CLSTN2: variants seen among roughly 807,000 people sequenced by gnomAD.
The protein encoded by CLSTN2 is calsyntenin-2.
Under a neutral mutation model 101.2 loss-of-function variants are expected in CLSTN2, and 48 were observed. That is an observed-to-expected ratio of 0.47 (90% CI 0.38 to 0.60). CLSTN2 has a LOEUF of 0.60. Ranked by LOEUF, CLSTN2 falls within the 20% of genes least tolerant of loss-of-function variation. The probability of loss-of-function intolerance (pLI) is 0.00; values close to 1 mark genes in which losing one functional copy is unlikely to be tolerated. For synonymous variants in CLSTN2, 481 were observed against 463.6 expected, an observed-to-expected ratio of 1.04 and a Z score of -0.48; for missense variants, 1,160 against 1,238.2, an observed-to-expected ratio of 0.94 and a Z score of 0.95.
intron 1 of CLSTN2, among the ~76,000 whole-genome samples, chr3:140,045,987 A>AT (rs1315323644): frequency 3.3e-4 from 50 of 152,208 alleles, no homozygotes; most frequent in Non-Finnish European, 4.4e-5. Flanking sequence ...AGAAGAATGT[A>AT]TATTCTGTTG....
In CLSTN2 at chr3:140,175,998, A is replaced by C. The variant is rs373766978; in HGVS notation, c.157A>C (p.Thr53Pro). Residue 53 changes from threonine to proline, a missense_variant, in exon 2 of 17, where the codon ACT (threonine) becomes CCT (proline). Coordinates refer to ENST00000458420, the MANE Select transcript of CLSTN2 (RefSeq NM_022131.3). ...WIETSYHGVITENNDTVILDP... is the reference protein window; with the variant it reads ...WIETSYHGVIPENNDTVILDP... ...CGAGACTTCATATCATGGAGTCATA[A>C]CTGAGAACAATGACACAGTCATTTT... 7.5e-5 allele frequency: 121 copies of C among 1,613,700 alleles called. No homozygotes were observed. Among genetic ancestry groups the C allele is most frequent in the Non-Finnish European group, 1.0e-4 (119 of 1,179,780 alleles).
chr3:140,322,670 G>A (rs2087295144), intron 2 of CLSTN2, among the ~76,000 whole-genome samples: 1 of 152,204 alleles, frequency 6.6e-6, no homozygotes, highest in Admixed American at 6.5e-5. Context: ...GACAGTGTTT[G>A]AAAGAGAAGG....
intron 2 of CLSTN2, among the ~76,000 whole-genome samples, chr3:140,352,054 A>G (rs1484361401): frequency 6.6e-6 from 1 of 152,180 alleles, no homozygotes; most frequent in Non-Finnish European, 1.5e-5. Flanking sequence ...TCTAATCCCA[A>G]TGAGTAGGCT....
At chr3:140,397,375 C>T (rs1335332321) in intron 2 of CLSTN2, among the ~76,000 whole-genome samples, 1 of 152,072 alleles carries the variant, frequency 6.6e-6, no homozygotes, top group African/African-American at 2.4e-5. Context: ...TGATAGTACA[C>T]CAGAGCTCCA....
intron 2 of CLSTN2, among the ~76,000 whole-genome samples, chr3:140,330,279 C>T (rs4536786): frequency 0.047 from 7,201 of 152,262 alleles, 559 homozygotes; most frequent in African/African-American, 0.16. Context: ...GGTAAATCCA[C>T]ATTGTCAGCA....
chr3:140,195,365 C>T (rs2010629194), intron 2 of CLSTN2, among the ~76,000 whole-genome samples: 2 of 152,140 alleles, frequency 1.3e-5, no homozygotes, highest in Non-Finnish European at 2.9e-5. Flanking sequence ...ACCTAAAGAA[C>T]TCACCACTGT....
At chr3:140,157,468 G>T (rs2009974234) in intron 1 of CLSTN2, among the ~76,000 whole-genome samples, 1 of 152,100 alleles carries the variant, frequency 6.6e-6, no homozygotes, top group Admixed American at 6.6e-5. Context: ...TCAATCTTGG[G>T]AGGCTGTGTG....
chr3:140,311,187 A>G (rs1438617061), intron 2 of CLSTN2, among the ~76,000 whole-genome samples: 1 of 148,644 alleles, frequency 6.7e-6, no homozygotes, highest in East Asian at 2.2e-4. Flanking sequence ...ATTGCCCAGG[A>G]TTGGGAACAG....
At chr3:140,250,553 G>A (rs1346955636) in intron 2 of CLSTN2, among the ~76,000 whole-genome samples, 10 of 152,178 alleles carry the variant, frequency 6.6e-5, no homozygotes, top group Admixed American at 6.5e-4. Context: ...ATCATTTGAT[G>A]TAATGCTCTT....
chr3:140,450,712 G>C (rs951640441), intron 6 of CLSTN2, among the ~76,000 whole-genome samples: 6 of 151,756 alleles, frequency 4.0e-5, no homozygotes, highest in African/African-American at 1.5e-4. Flanking sequence ...TCACACATAC[G>C]TACACACAAG....
chr3:140,429,530 A>G (rs1374113406), intron 5 of CLSTN2, among the ~76,000 whole-genome samples: 1 of 152,132 alleles, frequency 6.6e-6, no homozygotes, highest in Non-Finnish European at 1.5e-5. Flanking sequence ...TGGACTGGCC[A>G]ACTGAGGACC....
At chr3:140,405,113 A>G (rs1323157235) in intron 4 of CLSTN2, among the ~76,000 whole-genome samples, 1 of 152,166 alleles carries the variant, frequency 6.6e-6, no homozygotes, top group Non-Finnish European at 1.5e-5. Flanking sequence ...GCTTGGCCAT[A>G]TCTGGGTCCG....
chr3:140,294,896 G>T (rs111338694), intron 2 of CLSTN2, among the ~76,000 whole-genome samples: 1 of 152,110 alleles, frequency 6.6e-6, no homozygotes, highest in Non-Finnish European at 1.5e-5. Flanking sequence ...TGGGGAGAAG[G>T]GGGTGGTAGA....
At chr3:140,561,132 T>C (rs959986726) in intron 12 of CLSTN2, among the ~76,000 whole-genome samples, 4 of 152,056 alleles carry the variant, frequency 2.6e-5, no homozygotes, top group Non-Finnish European at 5.9e-5. Flanking sequence ...ACACAAAGTA[T>C]ATTTAGTACA....
Position 140,546,729 on chromosome 3 carries a change from G to A in CLSTN2, c.1674+48G>A, listed in dbSNP as rs745362292. The stretch of plus-strand genomic sequence containing the variant: ...TCCCAATAAGACAGGGATTCATGAT[G>A]CCCAGCCTGCACAGCGCCAGCACAC... On this transcript the variant is annotated intron_variant, in intron 10 of 16. Coordinates refer to ENST00000458420, the MANE Select transcript of CLSTN2 (RefSeq NM_022131.3). 1.1e-5 allele frequency: 16 copies of A among 1,514,784 alleles called. No homozygotes were observed. The East Asian group carries it at 3.8e-4, about 36-fold the overall frequency. 93.8% of individuals were successfully genotyped at this position (1,514,784 alleles called of 1,614,324 possible).
chr3:140,290,900 A>T (rs2086940578), intron 2 of CLSTN2, among the ~76,000 whole-genome samples: 1 of 152,098 alleles, frequency 6.6e-6, no homozygotes, highest in African/African-American at 2.4e-5. Context: ...TTTTCACCTG[A>T]TCTGCAATGA....
intron 1 of CLSTN2, among the ~76,000 whole-genome samples, chr3:140,090,029 G>A (rs1443404594): frequency 1.4e-5 from 2 of 138,710 alleles, no homozygotes; most frequent in Non-Finnish European, 3.0e-5. Context: ...TGGTTTTAGG[G>A]TGAGGGGGCT....
intron 2 of CLSTN2, among the ~76,000 whole-genome samples, chr3:140,231,669 C>T (rs2086373131): frequency 6.6e-6 from 1 of 152,192 alleles, no homozygotes; most frequent in African/African-American, 2.4e-5. Context: ...CGTTGTTTGT[C>T]TTTCCTAGAT....
chr3:140,023,656 C>T (rs1431471707), intron 1 of CLSTN2, among the ~76,000 whole-genome samples: 1 of 152,200 alleles, frequency 6.6e-6, no homozygotes, highest in African/African-American at 2.4e-5. Context: ...GGCACCTCTA[C>T]TGCCCCAGGA....
Sources: allele counts gnomAD v4.1 joint callset (sites outside exome capture counted in the v4.1 genomes callset), GRCh38; gene constraint gnomAD v4.1.1; transcripts MANE v1.5; gene names NCBI Gene and HGNC (gene_info 2026-07-23, HGNC 2026-07-21).